Variants in CSMD1 observed in about 807,000 individuals in gnomAD.
CSMD1 encodes the protein CUB and Sushi multiple domains 1, also known as CUB and sushi domain-containing protein 1.
A neutral mutation model predicts 417.5 loss-of-function variants in CSMD1; 213 were observed. That is an observed-to-expected ratio of 0.51 (90% CI 0.46 to 0.57). The LOEUF is 0.57. CSMD1 is among the 20% of genes least tolerant of loss of function. The pLI, the probability that CSMD1 is intolerant of heterozygous loss-of-function variation, is 0.00. For synonymous variants in CSMD1, 2,862 were observed against 1,736.8 expected, an observed-to-expected ratio of 1.65 and a Z score of -16.11; for missense variants, 6,923 against 4,529.7, an observed-to-expected ratio of 1.53 and a Z score of -15.17.
At chr8:2,988,993 G>C (rs900559260) in intron 54 of CSMD1, among the ~76,000 whole-genome samples, 2 of 152,182 alleles carry the variant, frequency 1.3e-5, no homozygotes, top group African/African-American at 4.8e-5. Context: ...TGCTGCACCA[G>C]GGTCACACTC....
At chr8:3,043,786 A>C (rs1167314680) in intron 50 of CSMD1, 4 of 152,438 alleles carry the variant, frequency 2.6e-5, no homozygotes, top group Non-Finnish European at 5.9e-5. Context: ...AGTGAATTCA[A>C]AAAACACATT....
In CSMD1 at chr8:4,110,170, CT is replaced by C. The variant is rs1473447435; in HGVS notation, c.416-78072del. On this transcript the variant is annotated intron_variant, in intron 3 of 69. Coordinates refer to ENST00000635120, the MANE Select transcript of CSMD1 (RefSeq NM_033225.6). The stretch of plus-strand genomic sequence containing the variant: ...TAAATATGCAAATCTGCCATTTCAT[CT>C]GGATCACATATCTAAAGAATAAAAT... Among the ~76,000 whole-genome samples the C allele has an allele frequency of 4.6e-5, 7 of 152,224 alleles. No individual in the cohort carries two copies. In the South Asian group the frequency reaches 1.5e-3, roughly 32 times the overall value.
intron 25 of CSMD1, among the ~76,000 whole-genome samples, chr8:3,304,082 C>T (rs770528494): frequency 1.3e-5 from 2 of 152,096 alleles, no homozygotes; most frequent in African/African-American, 2.4e-5. Flanking sequence ...AATATTGAAA[C>T]CAGCCTTTTC....
intron 3 of CSMD1, among the ~76,000 whole-genome samples, chr8:4,326,689 A>G (rs1346595165): frequency 6.6e-6 from 1 of 152,218 alleles, no homozygotes; most frequent in Non-Finnish European, 1.5e-5. Flanking sequence ...TCTGGACTCA[A>G]GAACATGAAA....
At chr8:3,834,738 C>G (rs143520575) in intron 5 of CSMD1, among the ~76,000 whole-genome samples, 1 of 151,818 alleles carries the variant, frequency 6.6e-6, no homozygotes. Flanking sequence ...GCTCCATTCT[C>G]GGAGGTGGAG....
chr8:3,322,310 G>A (rs776719575), intron 23 of CSMD1, among the ~76,000 whole-genome samples: 2 of 151,798 alleles, frequency 1.3e-5, no homozygotes, highest in Non-Finnish European at 2.9e-5. Flanking sequence ...ATTCCTTTAG[G>A]TCTGTTACAT....
chr8:4,382,277 G>T lies in CSMD1; in HGVS notation c.415+37676C>A, dbSNP rs559907146. Among the ~76,000 whole-genome samples, 3 of 152,250 alleles carry T rather than the reference G, an allele frequency of 2.0e-5. No homozygotes were observed. In the East Asian group the frequency reaches 5.8e-4, roughly 29 times the overall value. On this transcript the variant is annotated intron_variant, in intron 3 of 69. Coordinates refer to ENST00000635120, the MANE Select transcript of CSMD1 (RefSeq NM_033225.6). ...AGATCATTGACCTGACAGCACTGGG[G>T]CTTATTGAGTTCTTTATCCAGAAAA...
rs181332761 is a variant in CSMD1 at position 2,965,822 on chromosome 8, C to A, written c.9233G>T (p.Arg3078Leu). The A allele has an allele frequency of 4.3e-6, 7 of 1,610,648 alleles. No homozygotes were observed. In the South Asian group the frequency reaches 6.7e-5, roughly 15 times the overall value. The change falls in exon 59 of 70, where the codon CGC (arginine) becomes CTC (leucine). Residue 3078 changes from arginine (R) to leucine (L), a missense_variant. Physicochemically the swap from Arg to Leu is moderately radical, Grantham distance 102 (BLOSUM62 -2). Coordinates refer to ENST00000635120, the MANE Select transcript of CSMD1 (RefSeq NM_033225.6). ...VMEAVTSATI[R>L]CTKDGRWNPS... is the part of the protein sequence containing the mutation. ...ATTCCACCTGCCGTCTTTGGTACAG[C>A]GAATAGTGGCGGATGTGACTGCTTC...
At chr8:4,177,749 T>C (rs1470314805) in intron 3 of CSMD1, among the ~76,000 whole-genome samples, 3 of 150,732 alleles carry the variant, frequency 2.0e-5, no homozygotes, top group Non-Finnish European at 4.4e-5. Flanking sequence ...AAAGGGGATA[T>C]CACCACCGAT....
intron 26 of CSMD1, among the ~76,000 whole-genome samples, chr8:3,281,425 C>G (rs933919169): frequency 6.6e-6 from 1 of 152,016 alleles, no homozygotes; most frequent in African/African-American, 2.4e-5. Context: ...GCCTGGGCGA[C>G]AAAGCAAGAC....
chr8:3,637,453 A>C (rs1168347948), intron 7 of CSMD1, among the ~76,000 whole-genome samples: 3 of 152,216 alleles, frequency 2.0e-5, no homozygotes, highest in African/African-American at 7.2e-5. Flanking sequence ...ACATTTGATA[A>C]GGTAATATGA....
intron 7 of CSMD1, among the ~76,000 whole-genome samples, chr8:3,699,392 A>T (rs1036306352): frequency 2.0e-5 from 3 of 152,362 alleles, no homozygotes; most frequent in African/African-American, 7.2e-5. Context: ...CATACAACAC[A>T]TAACATTTTG....
chr8:4,774,104 G>GAA (rs1796730110), intron 1 of CSMD1, among the ~76,000 whole-genome samples: 1 of 152,212 alleles, frequency 6.6e-6, no homozygotes, highest in Admixed American at 6.5e-5. Flanking sequence ...GGCTGAGGCA[G>GAA]GAGAGGGTTC....
chr8:3,196,693 C>T (rs1216349233), intron 33 of CSMD1, among the ~76,000 whole-genome samples: 1 of 152,180 alleles, frequency 6.6e-6, no homozygotes, highest in African/African-American at 2.4e-5. Context: ...GGACTCATGC[C>T]TGAGCCACAG....
chr8:4,104,874 C>T (rs879668124), intron 3 of CSMD1, among the ~76,000 whole-genome samples: 3 of 152,124 alleles, frequency 2.0e-5, no homozygotes, highest in Non-Finnish European at 4.4e-5. Context: ...TTAGGTATTA[C>T]TTTTTCTTTT....
Position 4,295,969 on chromosome 8 carries a change from G to T in CSMD1, c.415+123984C>A, listed in dbSNP as rs1205848931. Reference sequence around the variant, plus strand: ...GACTCACTCTGTAGAACATTTTCCTGAAAAAAACAAACAAAAACAAAAACC... The same window carrying T: ...GACTCACTCTGTAGAACATTTTCCTTAAAAAAACAAACAAAAACAAAAACC... On this transcript the variant is annotated intron_variant, in intron 3 of 69. Coordinates refer to ENST00000635120, the MANE Select transcript of CSMD1 (RefSeq NM_033225.6). 1.1e-4 allele frequency among the ~76,000 whole-genome samples: 16 copies of T among 151,250 alleles called. No individual in the cohort carries two copies. In the East Asian group the frequency reaches 2.9e-3, roughly 28 times the overall value.
chr8:3,535,081 G>T (rs1343451779), intron 10 of CSMD1, among the ~76,000 whole-genome samples: 2 of 151,972 alleles, frequency 1.3e-5, no homozygotes, highest in South Asian at 4.2e-4. Context: ...CTGAGTAGTT[G>T]GGACTACAGG....
At chr8:3,349,306 G>A (rs78906887) in intron 21 of CSMD1, among the ~76,000 whole-genome samples, 4 of 152,050 alleles carry the variant, frequency 2.6e-5, no homozygotes, top group African/African-American at 9.7e-5. Context: ...CTTTGACAAC[G>A]AACACAATCA....
At chr8:3,842,177 T>A (rs529711649) in intron 5 of CSMD1, among the ~76,000 whole-genome samples, 150 of 152,322 alleles carry the variant, frequency 9.8e-4, no homozygotes, top group African/African-American at 3.4e-3. Flanking sequence ...AAACTCGTTT[T>A]CCTAGCATCA....
Sources: allele counts gnomAD v4.1 joint callset (sites outside exome capture counted in the v4.1 genomes callset), GRCh38; gene constraint gnomAD v4.1.1; transcripts MANE v1.5; gene names NCBI Gene and HGNC (gene_info 2026-07-23, HGNC 2026-07-21).